The following ACTR3C variants were observed in gnomAD, a reference collection of about 807,000 sequenced individuals.
ACTR3C encodes actin related protein 3C, also known as actin-related protein 3C.
Under a neutral mutation model 26.3 loss-of-function variants are expected in ACTR3C, and 18 were observed. The ratio of observed to expected loss-of-function variants is 0.68; its 90% CI spans 0.47 to 1.01. The LOEUF (loss-of-function observed/expected upper bound fraction) is 1.01, where lower values mean the gene tolerates loss of function less well. Among genes scored for constraint, ACTR3C ranks in the 50% least tolerant of loss-of-function variants. The pLI is 0.00. For missense variants in ACTR3C, 184 were observed against 250.7 expected (o/e 0.73, Z 1.80); for synonymous variants, 55 against 94.5 (o/e 0.58, Z 2.42).
chr7:149,973,569 G>A, the ACTR3C span, among the ~76,000 whole-genome samples: 6 of 152,084 alleles, frequency 3.9e-5, no homozygotes, highest in Admixed American at 6.5e-5. Context: ...AAGTCATTCC[G>A]GATCTTGGGA....
chr7:150,006,457 A>G, the ACTR3C span, among the ~76,000 whole-genome samples: 1 of 149,050 alleles, frequency 6.7e-6, no homozygotes, highest in Non-Finnish European at 1.5e-5. Context: ...TCGGCCTCCC[A>G]AAGTGCTGGG....
At chr7:150,118,263 A>G in the ACTR3C span, among the ~76,000 whole-genome samples, 19 of 152,118 alleles carry the variant, frequency 1.2e-4, no homozygotes, top group Non-Finnish European at 2.8e-4. Flanking sequence ...AGGCTTCAGA[A>G]GGTGGATAAT....
chr7:149,928,377 A>G, the ACTR3C span, among the ~76,000 whole-genome samples: 1,202 of 84,832 alleles, frequency 0.014, 5 homozygotes, highest in Admixed American at 0.023. Flanking sequence ...ATTTTTTTGT[A>G]TTTCTTTTTT....
the ACTR3C span, among the ~76,000 whole-genome samples, chr7:150,236,908 G>C: frequency 1.3e-5 from 2 of 150,792 alleles, no homozygotes; most frequent in Non-Finnish European, 2.9e-5. Flanking sequence ...TTAGCTTTTA[G>C]ATAGTCTTTT....
At chr7:150,138,583 A>G in the ACTR3C span, among the ~76,000 whole-genome samples, 1 of 152,248 alleles carries the variant, frequency 6.6e-6, no homozygotes, top group African/African-American at 2.4e-5. Context: ...TACTGCCTTT[A>G]TCCTGCCTCC....
chr7:149,889,559 A>G, the ACTR3C span, among the ~76,000 whole-genome samples: 1 of 152,208 alleles, frequency 6.6e-6, no homozygotes, highest in Admixed American at 6.5e-5. Flanking sequence ...AATCAGGGAA[A>G]TGTACATTAA....
At chr7:150,279,036 G>A (rs574063813) in intron 6 of ACTR3C, among the ~76,000 whole-genome samples, 1 of 152,184 alleles carries the variant, frequency 6.6e-6, no homozygotes, top group Admixed American at 6.5e-5. Context: ...CCGGCGCAGT[G>A]GTTCACGCCT....
the ACTR3C span, among the ~76,000 whole-genome samples, chr7:150,141,012 C>G: frequency 6.6e-6 from 1 of 152,234 alleles, no homozygotes; most frequent in Non-Finnish European, 1.5e-5. Context: ...CCACCACATT[C>G]CCTTAAGACA....
At chr7:150,121,802 C>G in the ACTR3C span, among the ~76,000 whole-genome samples, 3 of 152,048 alleles carry the variant, frequency 2.0e-5, no homozygotes, top group African/African-American at 7.3e-5. Flanking sequence ...AAGAATAAAG[C>G]TGGAGGCATC....
At chr7:150,226,303 C>T in the ACTR3C span, among the ~76,000 whole-genome samples, 4 of 152,146 alleles carry the variant, frequency 2.6e-5, no homozygotes, top group Non-Finnish European at 5.9e-5. Context: ...AGTGTCATTT[C>T]GCATTCCCAT....
chr7:150,059,097 G>A, the ACTR3C span, among the ~76,000 whole-genome samples: 9 of 152,168 alleles, frequency 5.9e-5, no homozygotes, highest in African/African-American at 1.4e-4. Context: ...AGCCAAAAGC[G>A]TTCCTGTAGG....
chr7:150,064,565 CAAA>C, the ACTR3C span, among the ~76,000 whole-genome samples: 48 of 139,846 alleles, frequency 3.4e-4, no homozygotes, highest in Admixed American at 8.6e-4. Context: ...GACTTGATCT[CAAA>C]AAAAAAAAAA....
intron 6 of ACTR3C, among the ~76,000 whole-genome samples, chr7:150,252,344 G>A (rs1011541150): frequency 6.6e-5 from 10 of 152,070 alleles, no homozygotes; most frequent in African/African-American, 2.4e-4. Context: ...AGCATACATT[G>A]CAAACAAATT....
chr7:150,240,364 G>A (rs969956547), downstream of ACTR3C, among the ~76,000 whole-genome samples: 1 of 152,158 alleles, frequency 6.6e-6, no homozygotes, highest in Non-Finnish European at 1.5e-5. Flanking sequence ...CTACAAGAAT[G>A]CTCATTACAG....
chr7:150,164,326 T>C, the ACTR3C span, among the ~76,000 whole-genome samples: 516 of 148,612 alleles, frequency 3.5e-3, 1 homozygote, highest in Middle Eastern at 0.014. Context: ...GTGATTGGGG[T>C]GAGGGTGTTT....
chr7:150,177,287 G>A, the ACTR3C span, among the ~76,000 whole-genome samples: 11 of 150,008 alleles, frequency 7.3e-5, no homozygotes, highest in Non-Finnish European at 1.3e-4. Context: ...CATCCGACTC[G>A]GATAATATCC....
chr7:149,909,838 A>G, the ACTR3C span: 4 of 509,946 alleles, frequency 7.8e-6, no homozygotes, highest in African/African-American at 8.0e-5. Context: ...TTAAAAAAAA[A>G]AAACAAACTT....
chr7:149,983,449 G>GTGTATATATATATATATATA, the ACTR3C span, among the ~76,000 whole-genome samples: 17 of 23,326 alleles, frequency 7.3e-4, 1 homozygote, highest in East Asian at 2.7e-3. Context: ...GTGTGTGTGT[G>GTGTATATATATATATATATA]TATATATATA....
chr7:150,204,510 A>G, the ACTR3C span, among the ~76,000 whole-genome samples: 1 of 151,440 alleles, frequency 6.6e-6, no homozygotes, highest in Admixed American at 6.6e-5. Context: ...GGGTCTCCAA[A>G]GAAGCTCTCC....
Sources: allele counts gnomAD v4.1 joint callset (sites outside exome capture counted in the v4.1 genomes callset), GRCh38; gene constraint gnomAD v4.1.1; transcripts MANE v1.5; gene names NCBI Gene and HGNC (gene_info 2026-07-23, HGNC 2026-07-21).